MACF1: variants seen among roughly 807,000 people sequenced by gnomAD.
MACF1 encodes the protein microtubule actin crosslinking factor 1, also known as microtubule-actin cross-linking factor 1.
MACF1 carries 193 observed loss-of-function variants against 854.8 expected under a neutral mutation model. The ratio of observed to expected loss-of-function variants is 0.23; its 90% confidence interval spans 0.20 to 0.25. MACF1 has a LOEUF of 0.25. Among genes scored for constraint, MACF1 ranks in the 10% least tolerant of loss-of-function variants. MACF1 has a pLI of 1.00. For synonymous variants in MACF1, 3,185 were observed against 3,226.7 expected (o/e 0.99, Z 0.44); for missense variants, 7,722 against 8,929.1 (o/e 0.86, Z 5.45).
At chr1:39,270,542 T>C (rs1557555231) in intron 6 of MACF1, among the ~76,000 whole-genome samples, 1 of 152,166 alleles carries the variant, frequency 6.6e-6, no homozygotes, top group Non-Finnish European at 1.5e-5. Context: ...ATGTGAACAC[T>C]GAGATAAGGA....
At position 39,317,551 on chromosome 1, in the gene MACF1, C is replaced by T. The variant is rs76286210; in HGVS notation, c.3782+144C>T. The T allele has an allele frequency of 2.7e-3, 2,476 of 920,806 alleles. 40 individuals are homozygous for T. The African/African-American group carries it at 0.037, about 14-fold the overall frequency. 57.0% of individuals were successfully genotyped at this position (920,806 alleles called of 1,614,324 possible). ...ATTTAAAAACCACATAAATTCTGGACAAGTAAGTGACAGAAAGGTGAGACC... is the reference window on the plus strand; with the variant it reads ...ATTTAAAAACCACATAAATTCTGGATAAGTAAGTGACAGAAAGGTGAGACC... On this transcript the variant is annotated intron_variant, in intron 29 of 100. Transcript: ENST00000564288.
intron 2 of MACF1, among the ~76,000 whole-genome samples, chr1:39,237,311 A>G (rs1198532867): frequency 1.3e-5 from 2 of 152,218 alleles, no homozygotes; most frequent in South Asian, 2.1e-4. Flanking sequence ...CTCCATCTGT[A>G]TTTCATACTG....
intron 6 of MACF1, among the ~76,000 whole-genome samples, chr1:39,270,404 G>A (rs1230327238): frequency 2.0e-5 from 3 of 152,220 alleles, no homozygotes; most frequent in Non-Finnish European, 4.4e-5. Flanking sequence ...GTGACTGGAT[G>A]TATTTAGGGC....
chr1:39,332,391 G>T lies in MACF1; in HGVS notation c.5803G>T (p.Ala1935Ser), dbSNP rs1007424949. 1.2e-6 allele frequency: 2 copies of T among 1,614,048 alleles called. No individual in the cohort carries two copies. Among genetic ancestry groups the T allele is most frequent in the Non-Finnish European group, 1.7e-6 (2 of 1,180,018 alleles). Residue 1935 changes from alanine (A) to serine (S), a missense_variant, in exon 37 of 101, where the codon GCA becomes TCA. Ala to Ser is a moderately conservative substitution (Grantham distance 99). Transcript: ENST00000564288. ...VMPHMQLADS[A>S]EQNINPGAAV... ...GCCCCACATGCAACTAGCAGACTCT[G>T]CAGAACAAAATATTAATCCTGGAGC...
Position 39,283,400 on chromosome 1 carries a change from C to A in MACF1, c.809-9C>A. 1 of 1,598,358 alleles carries A rather than the reference C, an allele frequency of 6.3e-7. No individual in the cohort carries two copies. The highest frequency in any genetic ancestry group is 2.2e-5 in the East Asian group (1 of 44,798). On this transcript the variant is annotated splice_polypyrimidine_tract_variant and intron_variant, in intron 8 of 100. Transcript: ENST00000564288. The surrounding 1 kb of genome is among the most constrained non-coding windows in gnomAD (Gnocchi z 4.5). ...CTGACTAAGAAATTTCTTGTCCATT[C>A]TCTCTCAGATGTGGATGTGCCATCT... is the stretch of plus-strand genomic sequence containing the variant.
rs770742854 is a variant in MACF1 at position 39,440,952 on chromosome 1, AGTTCT to A, written c.18448-42_18448-38del. 15 of 1,605,744 alleles carry A rather than the reference AGTTCT, an allele frequency of 9.3e-6. No homozygotes were observed. In the South Asian group the frequency reaches 1.2e-4, roughly 13 times the overall value. On this transcript the variant is annotated intron_variant, in intron 72 of 100. Coordinates refer to ENST00000564288, the MANE Select transcript of MACF1 (RefSeq NM_001394062.1). ...TAAATCACATTTGCAAAGTTTGGTA[AGTTCT>A]GTTCTGTTTTCTATTTTGGCTTATA...
chr1:39,208,836 G>T (rs1644483525), intron 1 of MACF1, among the ~76,000 whole-genome samples: 1 of 151,922 alleles, frequency 6.6e-6, no homozygotes, highest in Non-Finnish European at 1.5e-5. Context: ...TGTTGGTCAG[G>T]CTGGTCTCGA....
intron 2 of MACF1, among the ~76,000 whole-genome samples, chr1:39,176,523 T>C (rs1170620689): frequency 6.6e-6 from 1 of 152,188 alleles, no homozygotes; most frequent in Non-Finnish European, 1.5e-5. Context: ...TTTTGATTCT[T>C]ATACCTTGCA....
chr1:39,291,419 G>A (rs1645786383), intron 15 of MACF1, among the ~76,000 whole-genome samples: 1 of 152,020 alleles, frequency 6.6e-6, no homozygotes, highest in Admixed American at 6.6e-5. Context: ...TTCTTCCTAT[G>A]TCTGCATAAT....
intron 1 of MACF1, among the ~76,000 whole-genome samples, chr1:39,225,102 T>G (rs924127738): frequency 1.3e-5 from 2 of 152,184 alleles, no homozygotes; most frequent in Non-Finnish European, 1.5e-5. Flanking sequence ...GAGGATTGCT[T>G]GAGCCTAGGG....
chr1:39,232,739 T>G (rs1017471495), intron 2 of MACF1, among the ~76,000 whole-genome samples: 1 of 89,922 alleles, frequency 1.1e-5, no homozygotes, highest in Non-Finnish European at 2.2e-5. Context: ...ACTCTCATAC[T>G]CTCTTTGTTT....
intron 58 of MACF1, among the ~76,000 whole-genome samples, chr1:39,393,903 GAAAA>G (rs1245976445): frequency 2.0e-5 from 3 of 150,676 alleles, no homozygotes; most frequent in Non-Finnish European, 4.4e-5. Context: ...AGGAAGGAAA[GAAAA>G]GAAAGAAAGA....
chr1:39,186,502 A>G (rs916104475), intron 2 of MACF1, among the ~76,000 whole-genome samples: 13 of 152,078 alleles, frequency 8.5e-5, no homozygotes, highest in African/African-American at 2.7e-4. Context: ...AAGATCTTTC[A>G]TAATCCAGTC....
intron 40 of MACF1, among the ~76,000 whole-genome samples, chr1:39,344,158 G>A (rs898805116): frequency 4.0e-5 from 6 of 151,846 alleles, no homozygotes; most frequent in Non-Finnish European, 8.8e-5. Context: ...AGGCGTGGTG[G>A]CTCATGCCTA....
chr1:39,106,036 G>C (rs549437252), intron 2 of MACF1, among the ~76,000 whole-genome samples: 125 of 152,332 alleles, frequency 8.2e-4, no homozygotes, highest in African/African-American at 2.8e-3. Context: ...TGGGGAGGAG[G>C]AGGAGGAGGA....
intron 95 of MACF1, among the ~76,000 whole-genome samples, chr1:39,467,501 C>T (rs780349781): frequency 6.6e-6 from 1 of 152,186 alleles, no homozygotes; most frequent in Non-Finnish European, 1.5e-5. Flanking sequence ...TCTTTTGTTG[C>T]TCCTTACTTC....
intron 2 of MACF1, among the ~76,000 whole-genome samples, chr1:39,107,434 G>T (rs573040447): frequency 1.3e-5 from 2 of 152,076 alleles, no homozygotes; most frequent in African/African-American, 2.4e-5. Context: ...TTCTTGAGGG[G>T]AGGAATGAGT....
chr1:39,253,056 T>C (rs1645059436), intron 4 of MACF1, among the ~76,000 whole-genome samples: 1 of 152,248 alleles, frequency 6.6e-6, no homozygotes, highest in South Asian at 2.1e-4. Context: ...TATAATCTAG[T>C]GAGAGTGATA....
rs369738465 is a variant in MACF1, at chr1:39,092,892, T to C, written c.220+8454T>C. Among the ~76,000 whole-genome samples the C allele has an allele frequency of 9.3e-4, 141 of 152,074 alleles. 1 individual carries two copies. In the South Asian group the frequency reaches 0.016, roughly 18 times the overall value. On this transcript the variant is annotated intron_variant, in intron 2 of 93. Coordinates refer to the MACF1 transcript ENST00000361689. ...TCCGCCTCCCGGGTTCAAGCAATTC[T>C]CTGCCTCAGCCCCCCGAGTAACTGG...
Sources: gnomAD v4.1 joint callset for allele counts (sites outside exome capture counted in the v4.1 genomes callset) on GRCh38, gnomAD v4.1.1 for gene constraint, Gnocchi (gnomAD v3.1) non-coding constraint, MANE v1.5 for transcripts, NCBI Gene and HGNC (gene_info 2026-07-23, HGNC 2026-07-21) for gene names.